Variants in STRN observed in about 807,000 individuals in gnomAD.
The protein encoded by STRN is protein phosphatase 2 regulatory subunit B'''alpha.
Under a neutral mutation model 96.3 loss-of-function variants are expected in STRN, and 53 were observed. The observed-to-expected ratio is 0.55, with a 90% confidence interval of 0.44 to 0.69. The LOEUF is 0.69. STRN is among the 30% of genes least tolerant of loss of function. The pLI is 0.00. For missense variants in STRN, 987 were observed against 963.9 expected (o/e 1.02, Z -0.32); for synonymous variants, 428 against 355.9 (o/e 1.20, Z -2.28).
chr2:36,926,511 T>A (rs534723300), intron 1 of STRN, among the ~76,000 whole-genome samples: 4 of 152,188 alleles, frequency 2.6e-5, no homozygotes, highest in Non-Finnish European at 4.4e-5. Context: ...CCCTAAGGAA[T>A]TGTGAGGATT....
Position 36,842,546 on chromosome 2 carries a change from T to C in STRN, c.*6910A>G. 6.6e-6 allele frequency: 1 copy of C among 152,182 alleles called. No individual in the cohort carries two copies. Among genetic ancestry groups the C allele is most frequent in the East Asian group, 1.9e-4 (1 of 5,198 alleles). The allele number at this position is 152,182 out of a possible 1,614,324, so 9.4% of individuals were successfully genotyped here. A position where few individuals can be genotyped will look rare whatever the true frequency, so the allele number is the denominator to read the frequency against. ...CTAAATCACCAAGGACAAGATACTT[T>C]TCTATGAAATAGGTCCTTCCTATCA... On this transcript the variant is annotated 3_prime_UTR_variant, in exon 18 of 18. Transcript: ENST00000263918.
At chr2:36,963,159 C>A (rs146897733) in intron 1 of STRN, among the ~76,000 whole-genome samples, 3 of 152,124 alleles carry the variant, frequency 2.0e-5, no homozygotes, top group African/African-American at 7.2e-5. Flanking sequence ...TTTGCTATAA[C>A]GTGGCCCTTT....
rs1001508426 is a variant in STRN at position 36,845,522 on chromosome 2, T to C, written c.*3934A>G. 2 of 152,222 alleles carry C rather than the reference T, an allele frequency of 1.3e-5. No individual in the cohort carries two copies. Among genetic ancestry groups the C allele is most frequent in the African/African-American group, 4.8e-5 (2 of 41,544 alleles). 9.4% of individuals were successfully genotyped at this position (152,222 alleles called of 1,614,324 possible). A position where few individuals can be genotyped will look rare whatever the true frequency, so the allele number is the denominator to read the frequency against. ...AGTTCAGGTATTTAACCTAAAAATA[T>C]TTACTAGTTGAATCTTTACCACATA... On this transcript the variant is annotated 3_prime_UTR_variant, in exon 18 of 18. Transcript: ENST00000263918.
intron 11 of STRN, 54 bp from the exon 12 acceptor site, chr2:36,867,915 T>G: frequency 7.4e-7 from 1 of 1,343,546 alleles, no homozygotes; most frequent in East Asian, 2.4e-5. Context: ...ACAGTATAAT[T>G]AAACATATGT....
At position 36,877,965 on chromosome 2, in the gene STRN, G is replaced by C; in HGVS notation, c.1249C>G (p.Leu417Val). The change falls in exon 10 of 18, where the codon CTT (leucine) becomes GTT (valine). Residue 417 changes from leucine (L) to valine (V), a missense_variant. Physicochemically the swap from Leu to Val is conservative, Grantham distance 32. Coordinates refer to ENST00000263918, the MANE Select transcript of STRN (RefSeq NM_003162.4). ...TCTCCAAGTCCCAGTTCACTTTCAA[G>C]GGCTTCATCTGCTCCCATGATGAAT... is the stretch of plus-strand genomic sequence containing the variant. ...KSFIMGADEA[L>V]ESELGLGELA... The C allele has an allele frequency of 2.5e-6, 4 of 1,614,166 alleles. No individual in the cohort carries two copies. Among genetic ancestry groups the C allele is most frequent in the Non-Finnish European group, 3.4e-6 (4 of 1,180,020 alleles).
chr2:36,881,642 TAAAC>T (rs1669073292), intron 9 of STRN, among the ~76,000 whole-genome samples: 1 of 152,212 alleles, frequency 6.6e-6, no homozygotes, highest in African/African-American at 2.4e-5. Context: ...GATAGTAAGT[TAAAC>T]AAACATTCAA....
intron 1 of STRN, among the ~76,000 whole-genome samples, chr2:36,951,663 T>G (rs1001869333): frequency 2.0e-5 from 3 of 152,206 alleles, no homozygotes; most frequent in African/African-American, 7.2e-5. Context: ...ATTCATTCAT[T>G]TAAGAACCAC....
intron 1 of STRN, among the ~76,000 whole-genome samples, chr2:36,928,894 G>T (rs1451522753): frequency 6.7e-6 from 1 of 149,176 alleles, no homozygotes; most frequent in Admixed American, 6.7e-5. Context: ...GCTGCAGTGA[G>T]CCGAGACCAC....
At chr2:36,933,606 G>A (rs1038264474) in intron 1 of STRN, among the ~76,000 whole-genome samples, 1 of 152,188 alleles carries the variant, frequency 6.6e-6, no homozygotes, top group African/African-American at 2.4e-5. Flanking sequence ...CATGAGTCTA[G>A]CCTAACACCA....
chr2:36,937,794 T>G (rs184968156), intron 1 of STRN, among the ~76,000 whole-genome samples: 1 of 152,150 alleles, frequency 6.6e-6, no homozygotes, highest in Non-Finnish European at 1.5e-5. Flanking sequence ...CTTGAAAAGA[T>G]AGTTTAGAAA....
chr2:36,935,752 C>G lies in STRN; in HGVS notation c.235-10544G>C, dbSNP rs74934053. On this transcript the variant is annotated intron_variant, in intron 1 of 17. Transcript: ENST00000263918. ...AGTGCCTTGCAATACTGCGGTTATT[C>G]AATGTTATTTGATTTAAAAGATAAA... Among the ~76,000 whole-genome samples, 1,061 of 152,162 alleles carry G rather than the reference C, an allele frequency of 7.0e-3. 14 individuals are homozygous for G. Among genetic ancestry groups the G allele is most frequent in the African/African-American group, 0.025 (1,020 of 41,494 alleles).
At chr2:36,898,932 AG>A (rs1056571331) in intron 6 of STRN, among the ~76,000 whole-genome samples, 17 of 152,122 alleles carry the variant, frequency 1.1e-4, no homozygotes, top group Non-Finnish European at 2.1e-4. Context: ...AGAGAGGAAA[AG>A]GGGGAAAGAG....
chr2:36,952,051 G>A (rs887514819), intron 1 of STRN, among the ~76,000 whole-genome samples: 11 of 151,058 alleles, frequency 7.3e-5, no homozygotes, highest in African/African-American at 2.2e-4. Context: ...AAATACACAC[G>A]CACGCACACA....
intron 13 of STRN, among the ~76,000 whole-genome samples, chr2:36,860,140 G>C (rs763660893): frequency 6.6e-6 from 1 of 152,148 alleles, no homozygotes; most frequent in Non-Finnish European, 1.5e-5. Context: ...GGAGGGTAAG[G>C]CTTAATTAAG....
Position 36,851,108 on chromosome 2 carries a change from C to T in STRN, c.1979-1G>A, listed in dbSNP as rs994862570. ...TTTATTTGGCAGGAAGAGTTGGCTG[C>T]TAAAAAGAAAAAATTAAAAAGCAAC... On this transcript the variant is annotated splice_acceptor_variant, in intron 15 of 17. Transcript: ENST00000263918. LOFTEE classifies it high-confidence loss of function. 1.1e-5 allele frequency: 18 copies of T among 1,606,494 alleles called. No homozygotes were observed. The highest frequency in any genetic ancestry group is 1.4e-5 in the Non-Finnish European group (17 of 1,176,864).
chr2:36,907,410 G>A (rs1354593106), intron 3 of STRN, among the ~76,000 whole-genome samples: 4 of 152,076 alleles, frequency 2.6e-5, no homozygotes, highest in Admixed American at 6.6e-5. Context: ...TTAGCCAGGC[G>A]TGGTGGCACA....
At position 36,904,867 on chromosome 2, in the gene STRN, A is replaced by T. The variant is rs1572663313; in HGVS notation, c.491+673T>A. Among the ~76,000 whole-genome samples, 4 of 148,648 alleles carry T rather than the reference A, an allele frequency of 2.7e-5. No individual in the cohort carries two copies. In the East Asian group the frequency reaches 6.6e-4, roughly 25 times the overall value. On this transcript the variant is annotated intron_variant, in intron 4 of 17. Transcript: ENST00000263918. ...ATGAATGAATGAATGAATGAATGAA[A>T]TATATGTTAGGCAATATTTGCAAAT... is the stretch of plus-strand genomic sequence containing the variant.
intron 7 of STRN, among the ~76,000 whole-genome samples, chr2:36,890,209 G>A (rs184426365): frequency 3.8e-4 from 58 of 152,220 alleles, no homozygotes; most frequent in Non-Finnish European, 6.6e-4. Context: ...ATAAAGGCCT[G>A]TTTCACTTTA....
intron 5 of STRN, among the ~76,000 whole-genome samples, chr2:36,901,195 G>C (rs1224953937): frequency 6.6e-6 from 1 of 152,096 alleles, no homozygotes; most frequent in Non-Finnish European, 1.5e-5. Context: ...AAACACACAA[G>C]AGTGGTCTTC....
Sources: allele counts gnomAD v4.1 joint callset (sites outside exome capture counted in the v4.1 genomes callset), GRCh38; gene constraint gnomAD v4.1.1; transcripts MANE v1.5; gene names NCBI Gene and HGNC (gene_info 2026-07-23, HGNC 2026-07-21).